Variants in SMN1 observed in about 807,000 individuals in gnomAD.
The protein encoded by SMN1 is survival motor neuron protein.
For missense variants in SMN1, 15 were observed against 17.1 expected, an observed-to-expected ratio of 0.88 and a Z score of 0.22; for synonymous variants, 3 against 5.1, an observed-to-expected ratio of 0.58 and a Z score of 0.56.
chr5:70,959,009 A>G, the SMN1 span, among the ~76,000 whole-genome samples: 1 of 150,736 alleles, frequency 6.6e-6, no homozygotes. Context: ...ACGAACCCAA[A>G]TGTCCAACAA....
chr5:70,951,927 T>C lies in SMN1; in HGVS notation c.835-14T>C, dbSNP rs370146091. ...TATAGCTATTTTTTTTAACTTCCTT[T>C]ATTTTCCTTACAGGGTTTCAGACAA... On this transcript the variant is annotated splice_polypyrimidine_tract_variant and intron_variant, in intron 7 of 8. Transcript: ENST00000380707. 1.1e-5 allele frequency: 17 copies of C among 1,611,824 alleles called. 1 individual carries two copies. The highest frequency in any genetic ancestry group is 2.2e-5 in the South Asian group (2 of 90,980).
At chr5:70,950,500 C>G (rs1749665286) in intron 7 of SMN1, among the ~76,000 whole-genome samples, 1 of 149,122 alleles carries the variant, frequency 6.7e-6, no homozygotes, top group Admixed American at 6.7e-5. Context: ...GTCGCCCAGG[C>G]TGGGGTGCAA....
At position 70,951,972 on chromosome 5, in the gene SMN1, G is replaced by T. The variant is rs765273240; in HGVS notation, c.866G>T (p.Cys289Phe). Residue 289 changes from cysteine to phenylalanine, a missense_variant, in exon 8 of 9, where the codon TGC becomes TTC. By Grantham distance (205) the Cys-to-Phe change is radical. Coordinates refer to ENST00000380707, the MANE Select transcript of SMN1 (RefSeq NM_000344.4). ...GFRQNQKEGRCSHSLN is the reference protein window; with the variant it reads ...GFRQNQKEGRFSHSLN ...AGACAAAATCAAAAAGAAGGAAGGT[G>T]CTCACATTCCTTAAATTAAGGAGTA... 6.2e-7 allele frequency: 1 copy of T among 1,613,046 alleles called. No individual in the cohort carries two copies. The highest frequency in any genetic ancestry group is 2.2e-5 in the East Asian group (1 of 44,756).
downstream of SMN1, among the ~76,000 whole-genome samples, chr5:70,957,486 G>A (rs375323635): frequency 4.4e-4 from 65 of 147,972 alleles, 2 homozygotes; most frequent in East Asian, 7.2e-3. Flanking sequence ...TTTGAGATAC[G>A]TCCCATCAAT....
intron 7 of SMN1, among the ~76,000 whole-genome samples, chr5:70,951,425 C>T (rs1749726886): frequency 6.6e-6 from 1 of 151,930 alleles, no homozygotes; most frequent in Non-Finnish European, 1.5e-5. Flanking sequence ...AGGTCCCCAC[C>T]ACCATGCCTG....
At chr5:70,960,876 T>C in the SMN1 span, among the ~76,000 whole-genome samples, 10 of 148,562 alleles carry the variant, frequency 6.7e-5, 1 homozygote, top group Non-Finnish European at 1.5e-4. Flanking sequence ...TTTGTATTTT[T>C]AGTAGAGGTG....
At chr5:70,959,076 A>C in the SMN1 span, among the ~76,000 whole-genome samples, 3 of 150,716 alleles carry the variant, frequency 2.0e-5, 1 homozygote, top group African/African-American at 7.3e-5. Flanking sequence ...CTGTGCAACC[A>C]TAAGAAATGA....
downstream of SMN1, among the ~76,000 whole-genome samples, chr5:70,958,700 C>CT (rs1561505867): frequency 7.4e-6 from 1 of 134,690 alleles, no homozygotes; most frequent in Admixed American, 7.8e-5. Context: ...AATTTCTGTT[C>CT]TTTTACGTTT....
At chr5:70,959,150 G>T in the SMN1 span, among the ~76,000 whole-genome samples, 135 of 148,806 alleles carry the variant, frequency 9.1e-4, 3 homozygotes, top group African/African-American at 3.2e-3. Context: ...GTAAACTATC[G>T]CAAGGACAAA....
At chr5:70,950,008 C>T (rs1273658404) in intron 7 of SMN1, among the ~76,000 whole-genome samples, 2 of 140,460 alleles carry the variant, frequency 1.4e-5, no homozygotes, top group African/African-American at 5.5e-5. Flanking sequence ...GTGGAGGTTG[C>T]GGTGAGCCGA....
chr5:70,950,599 A>G (rs1251823443), intron 7 of SMN1, among the ~76,000 whole-genome samples: 3 of 139,020 alleles, frequency 2.2e-5, no homozygotes, highest in Admixed American at 1.4e-4. Flanking sequence ...GATTACAGCC[A>G]TATGCCACCA....
intron 7 of SMN1, among the ~76,000 whole-genome samples, chr5:70,950,207 C>T (rs891832875): frequency 4.0e-5 from 6 of 149,640 alleles, no homozygotes; most frequent in African/African-American, 1.2e-4. Context: ...CACCTGAAGT[C>T]GGGAGTTCCA....
At chr5:70,955,157 A>C (rs1749871215), downstream of SMN1, among the ~76,000 whole-genome samples, 1 of 146,320 alleles carries the variant, frequency 6.8e-6, no homozygotes, top group Admixed American at 6.9e-5. Context: ...AGGCTGTATA[A>C]TGAGCCATGT....
At chr5:70,927,525 C>G (rs1412986224) in intron 1 of SMN1, among the ~76,000 whole-genome samples, 1 of 9,018 alleles carries the variant, frequency 1.1e-4, no homozygotes, top group African/African-American at 7.3e-4. Flanking sequence ...AGGAGTATCC[C>G]TTGGACCCAG....
intron 7 of SMN1, among the ~76,000 whole-genome samples, chr5:70,950,437 A>G (rs962937917): frequency 1.3e-5 from 2 of 149,786 alleles, no homozygotes; most frequent in South Asian, 2.1e-4. Flanking sequence ...AGGAAGAAAA[A>G]TATTTTTTTA....
chr5:70,957,522 A>G (rs1157613701), downstream of SMN1, among the ~76,000 whole-genome samples: 3 of 149,840 alleles, frequency 2.0e-5, no homozygotes, highest in East Asian at 2.0e-4. Context: ...AGTTTTTAGC[A>G]TGAAGGATTG....
downstream of SMN1, among the ~76,000 whole-genome samples, chr5:70,956,747 C>A (rs1161033971): frequency 2.0e-5 from 3 of 149,606 alleles, no homozygotes; most frequent in African/African-American, 4.9e-5. Context: ...AGTCAGGTAG[C>A]GTGATGCCTC....
At chr5:70,955,137 C>G (rs1244945555), downstream of SMN1, among the ~76,000 whole-genome samples, 1 of 145,714 alleles carries the variant, frequency 6.9e-6, no homozygotes, top group Admixed American at 6.9e-5. Context: ...CACTTGAGTA[C>G]AGGAGGTTGA....
At chr5:70,955,786 GAAAA>G (rs932899117), downstream of SMN1, among the ~76,000 whole-genome samples, 18 of 145,188 alleles carry the variant, frequency 1.2e-4, 2 homozygotes, top group African/African-American at 4.7e-4. Flanking sequence ...GTCTCAAAAA[GAAAA>G]AAAGTAATTA....
Sources: gnomAD v4.1 joint callset for allele counts (sites outside exome capture counted in the v4.1 genomes callset) on GRCh38, gnomAD v4.1.1 for gene constraint, MANE v1.5 for transcripts, NCBI Gene and HGNC (gene_info 2026-07-23, HGNC 2026-07-21) for gene names.